The following KIDINS220 variants were observed in gnomAD, a reference collection of about 807,000 sequenced individuals.
KIDINS220 encodes the protein kinase D interacting substrate 220.
KIDINS220 carries 63 observed loss-of-function variants against 157.6 expected under a neutral mutation model. That is an observed-to-expected ratio of 0.40 (90% CI 0.33 to 0.49). The LOEUF is 0.49. KIDINS220 is among the 20% of genes least tolerant of loss of function. The probability of loss-of-function intolerance (pLI) is 0.66; values close to 1 mark genes in which losing one functional copy is unlikely to be tolerated. For missense variants in KIDINS220, 1,772 were observed against 2,171.2 expected (o/e 0.82, Z 3.65); for synonymous variants, 732 against 783.6 (o/e 0.93, Z 1.10).
At chr2:8,733,751 A>G in intron 28 of KIDINS220, 71 bp from the exon 29 acceptor site, 4 of 1,025,870 alleles carry the variant, frequency 3.9e-6, no homozygotes, top group Non-Finnish European at 5.5e-6. Context: ...ATATTTAGAA[A>G]TACCAAACAT....
chr2:8,728,252 A>G (rs907054152), downstream of KIDINS220, among the ~76,000 whole-genome samples: 2 of 152,114 alleles, frequency 1.3e-5, no homozygotes, highest in Admixed American at 6.6e-5. Context: ...TGAGCCCAGG[A>G]GGTCGAGGCT....
chr2:8,730,808 G>A lies in KIDINS220; in HGVS notation c.5228C>T (p.Thr1743Ile). 3 of 1,614,210 alleles carry A rather than the reference G, an allele frequency of 1.9e-6. No homozygotes were observed. Among genetic ancestry groups the A allele is most frequent in the Non-Finnish European group, 2.5e-6 (3 of 1,180,040 alleles). Residue 1743 changes from threonine (T) to isoleucine (I), a missense_variant, in exon 30 of 30, where the codon ACA (threonine) becomes ATA (isoleucine). Around this residue, in one of 3 missense-constraint regions of KIDINS220, gnomAD observed 793 missense variants for 885.5 expected, o/e 0.90. Coordinates refer to ENST00000256707, the MANE Select transcript of KIDINS220 (RefSeq NM_020738.4). ...THKRSQRSSY[T>I]RLSKDPPELH... ...CTCCGGAGGATCTTTGGAGAGCCTT[G>A]TGTAACTTGAACGTTGGCTTCGCTT...
At chr2:8,795,824 T>C (rs893648884) in intron 11 of KIDINS220, among the ~76,000 whole-genome samples, 1 of 152,248 alleles carries the variant, frequency 6.6e-6, no homozygotes, top group Non-Finnish European at 1.5e-5. Context: ...GGGGGACCAG[T>C]GTCAGATGAG....
intron 2 of KIDINS220, among the ~76,000 whole-genome samples, chr2:8,824,143 C>A (rs533661937): frequency 1.3e-5 from 2 of 151,958 alleles, no homozygotes; most frequent in Non-Finnish European, 2.9e-5. Context: ...ACAGCTGCTA[C>A]GCAAGTTAAA....
chr2:8,748,197 G>A (rs1231092594), intron 24 of KIDINS220, among the ~76,000 whole-genome samples, 197 bp from the exon 25 acceptor site: 2 of 151,978 alleles, frequency 1.3e-5, no homozygotes, highest in African/African-American at 2.4e-5. Flanking sequence ...TTTTTATATT[G>A]GTCATTTCAT....
chr2:8,813,806 C>G (rs746131544), intron 4 of KIDINS220, among the ~76,000 whole-genome samples: 3 of 152,034 alleles, frequency 2.0e-5, no homozygotes, highest in Non-Finnish European at 4.4e-5. Context: ...TGCCTGTAGT[C>G]CCAACTATTC....
At chr2:8,757,222 T>C (rs1218954397) in intron 22 of KIDINS220, 3 of 981,816 alleles carry the variant, frequency 3.1e-6, no homozygotes, top group South Asian at 4.7e-5. Context: ...AAGTGCATAC[T>C]TTAATAGGAC....
At chr2:8,826,810 T>C (rs1480130841) in intron 2 of KIDINS220, 176 bp downstream of exon 2, 3 of 372,888 alleles carry the variant, frequency 8.0e-6, no homozygotes, top group Non-Finnish European at 1.4e-5. Flanking sequence ...TAAGTTAAAA[T>C]GTACTCCAAA....
At chr2:8,735,910 C>T (rs1443048405) in intron 27 of KIDINS220, among the ~76,000 whole-genome samples, 6 of 152,174 alleles carry the variant, frequency 3.9e-5, no homozygotes. Flanking sequence ...GGAACAAAAT[C>T]ATCACAAAGG....
intron 18 of KIDINS220, 150 bp from the exon 19 acceptor site, chr2:8,779,289 T>C (rs1671382899): frequency 2.9e-5 from 28 of 958,528 alleles, no homozygotes; most frequent in Non-Finnish European, 4.2e-5. Context: ...AAAAGCAAAT[T>C]TTACTGACAG....
intron 28 of KIDINS220, 151 bp downstream of exon 28, chr2:8,734,504 G>A (rs139193966): frequency 1.7e-6 from 1 of 579,260 alleles, no homozygotes; most frequent in East Asian, 2.9e-5. Context: ...GCACATAAGT[G>A]TAAGAAGCAG....
Position 8,750,208 on chromosome 2 carries a change from G to A in KIDINS220, c.3318C>T (p.Ser1106=), listed in dbSNP as rs369693571. ...CTCCACCTGCGAAGGGCCCATTGAA[G>A]GACGTGGAAGAGCACACGGATGGGG... is the stretch of plus-strand genomic sequence containing the variant. ...SQPPSVCSST[S]FNGPFAGGVV... The change falls in exon 24 of 30, where the codon TCC becomes TCT. Residue 1106 remains serine, a synonymous_variant. Transcript: ENST00000256707. 2.4e-4 allele frequency: 387 copies of A among 1,614,218 alleles called. 3 individuals are homozygous for A. In the East Asian group the frequency reaches 4.5e-3, roughly 19 times the overall value.
intron 7 of KIDINS220, among the ~76,000 whole-genome samples, chr2:8,804,478 G>T (rs1482342684): frequency 6.6e-6 from 1 of 152,168 alleles, no homozygotes; most frequent in East Asian, 1.9e-4. Flanking sequence ...ACAGGCTGGG[G>T]AATGAGGAAT....
intron 29 of KIDINS220, 51 bp downstream of exon 29, chr2:8,733,393 G>A: frequency 7.0e-7 from 1 of 1,436,896 alleles, no homozygotes; most frequent in Non-Finnish European, 9.7e-7. Context: ...TCAGTGAACT[G>A]AACGGTGTGC....
At chr2:8,753,807 A>G (rs1486916517) in intron 22 of KIDINS220, among the ~76,000 whole-genome samples, 2 of 152,232 alleles carry the variant, frequency 1.3e-5, no homozygotes, top group Non-Finnish European at 1.5e-5. Context: ...TCTAAGGGAA[A>G]AACCCAGAGA....
At chr2:8,827,683 A>G (rs1679015169) in intron 1 of KIDINS220, among the ~76,000 whole-genome samples, 1 of 152,086 alleles carries the variant, frequency 6.6e-6, no homozygotes, top group Non-Finnish European at 1.5e-5. Context: ...GTGGATTTTA[A>G]ATGGTCTCAC....
intron 10 of KIDINS220, 72 bp from the exon 11 acceptor site, chr2:8,796,941 T>C (rs1674033413): frequency 3.8e-6 from 4 of 1,063,970 alleles, no homozygotes; most frequent in Middle Eastern, 4.0e-4. Flanking sequence ...CAAATGCACA[T>C]GTCAAGAAAT....
intron 1 of KIDINS220, among the ~76,000 whole-genome samples, chr2:8,829,376 C>A (rs1679286625): frequency 6.6e-6 from 1 of 152,128 alleles, no homozygotes; most frequent in African/African-American, 2.4e-5. Context: ...AATTTATACT[C>A]TTGGGGTGAA....
In KIDINS220 at chr2:8,734,738, G is replaced by A. The variant is rs759687436; in HGVS notation, c.3733C>T (p.Arg1245Cys). The A allele has an allele frequency of 6.2e-6, 10 of 1,610,228 alleles. No individual in the cohort carries two copies. The highest frequency in any genetic ancestry group is 1.7e-5 in the Admixed American group (1 of 59,526). The change falls in exon 28 of 30, where the codon CGT becomes TGT. Residue 1245 changes from arginine (R) to cysteine (C), a missense_variant. Arg to Cys is a radical substitution (Grantham distance 180, BLOSUM62 -3). This residue lies in a region of KIDINS220 where 793 missense variants were observed against 885.5 expected (regional missense o/e 0.90). Coordinates refer to ENST00000256707, the MANE Select transcript of KIDINS220 (RefSeq NM_020738.4). Reference sequence around the variant, plus strand: ...TCAATGTTACACTGAGCTAACACACGGCCATTTATGTTTGCCTGAGTAAAA... The same window carrying A: ...TCAATGTTACACTGAGCTAACACACAGCCATTTATGTTTGCCTGAGTAAAA... ...TTIKKANING[R>C]VLAQCNIDEL... is the part of the protein sequence containing the mutation.
Sources: allele counts gnomAD v4.1 joint callset (sites outside exome capture counted in the v4.1 genomes callset), GRCh38; gene constraint gnomAD v4.1.1; regional missense constraint gnomAD v4.1.1; transcripts MANE v1.5; gene names NCBI Gene and HGNC (gene_info 2026-07-23, HGNC 2026-07-21).